Variants in ST8SIA5 observed in about 807,000 individuals in gnomAD.
ST8SIA5 encodes the protein alpha-2,8-sialyltransferase 8E.
In ST8SIA5, 24 loss-of-function variants were observed where a neutral mutation model predicts 40.2. The ratio of observed to expected loss-of-function variants is 0.60; its 90% CI spans 0.43 to 0.84. The LOEUF is 0.84. Among genes scored for constraint, ST8SIA5 ranks in the 40% least tolerant of loss-of-function variants. The pLI is 0.00. For missense variants in ST8SIA5, 465 were observed against 498.5 expected (o/e 0.93, Z 0.64); for synonymous variants, 198 against 201.8 (o/e 0.98, Z 0.16).
chr18:46,743,746 C>T (rs1402995992), intron 1 of ST8SIA5, among the ~76,000 whole-genome samples: 2 of 151,910 alleles, frequency 1.3e-5, no homozygotes, highest in African/African-American at 4.8e-5. Context: ...GAAGAGCAAC[C>T]CCAAGACACA....
intron 1 of ST8SIA5, chr18:46,721,403 C>A (rs947088987): frequency 2.0e-6 from 3 of 1,536,080 alleles, no homozygotes; most frequent in Admixed American, 3.9e-5. Flanking sequence ...CTGGATCATC[C>A]GTGACATTAA....
chr18:46,719,718 C>CTTTCTTTCTCTCTCTCTTTCTT (rs1568267828), intron 1 of ST8SIA5, among the ~76,000 whole-genome samples: 21 of 149,814 alleles, frequency 1.4e-4, no homozygotes, highest in Admixed American at 1.3e-3. Flanking sequence ...CTCTTTCTTT[C>CTTTCTTTCTCTCTCTCTTTCTT]TCTCTTTCTC....
chr18:46,755,457 C>T (rs1322147300), intron 1 of ST8SIA5, among the ~76,000 whole-genome samples: 1 of 152,160 alleles, frequency 6.6e-6, no homozygotes, highest in Non-Finnish European at 1.5e-5. Context: ...AGAGAGGGCT[C>T]TTGCCAAGAG....
In ST8SIA5 at chr18:46,686,197, G is replaced by A; in HGVS notation, c.546C>T (p.Ile182=). The change falls in exon 5 of 7, where the codon ATC becomes ATT. Residue 182 remains isoleucine, a synonymous_variant. Coordinates refer to ENST00000315087, the MANE Select transcript of ST8SIA5 (RefSeq NM_013305.6). ...ACCGGAAGACGAAGTCGGCGCTGTT[G>A]ATCTCCCTCCCGCAGCGGCTGTTCT... The part of the protein sequence containing the change: ...ILKNSRCGRE[I]NSADFVFRCN... 1 of 1,614,174 alleles carries A rather than the reference G, an allele frequency of 6.2e-7. No individual in the cohort carries two copies. The highest frequency in any genetic ancestry group is 8.5e-7 in the Non-Finnish European group (1 of 1,180,038).
At chr18:46,733,992 G>C (rs370380048) in intron 1 of ST8SIA5, among the ~76,000 whole-genome samples, 2 of 152,076 alleles carry the variant, frequency 1.3e-5, no homozygotes, top group African/African-American at 4.8e-5. Context: ...CCCGTCCCTA[G>C]GGGGCTCTGA....
chr18:46,728,554 C>T (rs2039954890), intron 1 of ST8SIA5, among the ~76,000 whole-genome samples: 1 of 152,210 alleles, frequency 6.6e-6, no homozygotes, highest in Non-Finnish European at 1.5e-5. Context: ...AAAGAAGCCC[C>T]ACCCCTGATG....
chr18:46,670,831 AG>A lies in ST8SIA5; in HGVS notation c.*9210del, dbSNP rs1201763550. 6.6e-6 allele frequency: 1 copy of A among 152,122 alleles called. No homozygotes were observed. The highest frequency in any genetic ancestry group is 6.5e-5 in the Admixed American group (1 of 15,276). 9.4% of individuals were successfully genotyped at this position (152,122 alleles called of 1,614,324 possible). ...GGTCTTCTTAATGCCATCACAATTT[AG>A]GCTATTAGCTGCCACTTCTTGCTTT... On this transcript the variant is annotated 3_prime_UTR_variant, in exon 7 of 7. Coordinates refer to ENST00000315087, the MANE Select transcript of ST8SIA5 (RefSeq NM_013305.6).
intron 2 of ST8SIA5, among the ~76,000 whole-genome samples, chr18:46,704,091 C>T (rs1319901729): frequency 6.6e-6 from 1 of 151,418 alleles, no homozygotes; most frequent in East Asian, 1.9e-4. Flanking sequence ...CTCGGTGGCT[C>T]TTCATTGAAT....
At position 46,680,448 on chromosome 18, in the gene ST8SIA5, G is replaced by A. The variant is rs2039381364; in HGVS notation, c.725C>T (p.Ala242Val). 1 of 1,610,036 alleles carries A rather than the reference G, an allele frequency of 6.2e-7. No homozygotes were observed. The highest frequency in any genetic ancestry group is 8.5e-7 in the Non-Finnish European group (1 of 1,177,972). Reference sequence around the variant, plus strand: ...GTAGAAGGCAGGCAGCAGCACCGACGCGTTCTCGTACACCTGCAGCACGCG... The same window carrying A: ...GTAGAAGGCAGGCAGCAGCACCGACACGTTCTCGTACACCTGCAGCACGCG... The part of the protein sequence containing the change: ...FYRVLQVYEN[A>V]SVLLPAFYNT... The change falls in exon 7 of 7, where the codon GCG becomes GTG. Residue 242 changes from alanine to valine, a missense_variant. Ala to Val is a moderately conservative substitution (Grantham distance 64). Coordinates refer to ENST00000315087, the MANE Select transcript of ST8SIA5 (RefSeq NM_013305.6).
chr18:46,725,972 A>AAAAAAAAATATATAT (rs59660372), intron 1 of ST8SIA5, among the ~76,000 whole-genome samples: 3 of 29,094 alleles, frequency 1.0e-4, no homozygotes, highest in African/African-American at 3.0e-4. Flanking sequence ...AAAAAAAAAA[A>AAAAAAAAATATATAT]ATATATATAT....
intron 1 of ST8SIA5, among the ~76,000 whole-genome samples, chr18:46,745,687 A>G (rs953228609): frequency 3.3e-5 from 5 of 152,228 alleles, no homozygotes; most frequent in African/African-American, 1.2e-4. Flanking sequence ...AATCAATAGA[A>G]AAAGAGGGAC....
At chr18:46,685,566 C>T (rs966735994) in intron 5 of ST8SIA5, among the ~76,000 whole-genome samples, 4 of 152,196 alleles carry the variant, frequency 2.6e-5, no homozygotes, top group African/African-American at 9.7e-5. Context: ...GCTCTACCCT[C>T]CCTAACCTGA....
intron 1 of ST8SIA5, among the ~76,000 whole-genome samples, chr18:46,718,898 C>A (rs1356993331): frequency 6.6e-6 from 1 of 152,170 alleles, no homozygotes; most frequent in Admixed American, 6.5e-5. Flanking sequence ...GGTCCTCCCC[C>A]AAGCTCTGCA....
chr18:46,732,816 C>T (rs2039997746), intron 1 of ST8SIA5, among the ~76,000 whole-genome samples: 1 of 151,920 alleles, frequency 6.6e-6, no homozygotes, highest in African/African-American at 2.4e-5. Context: ...CTTCAATGCT[C>T]AAGAAATTGT....
intron 1 of ST8SIA5, among the ~76,000 whole-genome samples, chr18:46,710,700 G>A (rs1482109474): frequency 6.6e-6 from 1 of 151,868 alleles, no homozygotes; most frequent in East Asian, 1.9e-4. Context: ...CTGAGAGCCT[G>A]GGTCTGTAAT....
intron 1 of ST8SIA5, among the ~76,000 whole-genome samples, chr18:46,739,664 A>G (rs1258636469): frequency 6.6e-6 from 1 of 152,180 alleles, no homozygotes; most frequent in Non-Finnish European, 1.5e-5. Context: ...TATTTCCAAC[A>G]AAGTGGCCAA....
chr18:46,746,061 G>A (rs578143695), intron 1 of ST8SIA5, among the ~76,000 whole-genome samples: 45 of 152,196 alleles, frequency 3.0e-4, no homozygotes, highest in Non-Finnish European at 3.8e-4. Context: ...TTGAAGGAAC[G>A]TATCTCAAAA....
At chr18:46,688,628 C>T (rs1599102713) in intron 4 of ST8SIA5, 147 bp downstream of exon 4, 6 of 1,026,956 alleles carry the variant, frequency 5.8e-6, no homozygotes, top group Admixed American at 2.8e-5. Flanking sequence ...GCTTCTGCAC[C>T]TCAGACAACT....
At chr18:46,735,096 T>C (rs1323568969) in intron 1 of ST8SIA5, among the ~76,000 whole-genome samples, 1 of 152,232 alleles carries the variant, frequency 6.6e-6, no homozygotes, top group African/African-American at 2.4e-5. Flanking sequence ...GCTGGATGCT[T>C]CCTGCCCTGG....
Sources: allele counts gnomAD v4.1 joint callset (sites outside exome capture counted in the v4.1 genomes callset), GRCh38; gene constraint gnomAD v4.1.1; transcripts MANE v1.5; gene names NCBI Gene and HGNC (gene_info 2026-07-23, HGNC 2026-07-21).